The following AKT3 variants were observed in gnomAD, a reference collection of about 807,000 sequenced individuals.
AKT3 encodes AKT serine/threonine kinase 3, also known as RAC-gamma serine/threonine-protein kinase.
AKT3 carries 15 observed loss-of-function variants against 65.3 expected under a neutral mutation model. That is an observed-to-expected ratio of 0.23 (90% confidence interval 0.15 to 0.35). The LOEUF is 0.35. AKT3 is among the 10% of genes least tolerant of loss of function. The pLI is 1.00. For synonymous variants in AKT3, 206 were observed against 183.8 expected (o/e 1.12, Z -0.98); for missense variants, 243 against 576.5 (o/e 0.42, Z 5.92).
chr1:243,801,440 G>T (rs1214256882), intron 2 of AKT3, among the ~76,000 whole-genome samples: 2 of 152,162 alleles, frequency 1.3e-5, no homozygotes, highest in African/African-American at 4.8e-5. Flanking sequence ...GACTTGCCAT[G>T]CCATGGATAA....
intron 2 of AKT3, among the ~76,000 whole-genome samples, chr1:243,817,541 GA>G (rs1396918897): frequency 6.6e-6 from 1 of 152,142 alleles, no homozygotes; most frequent in Non-Finnish European, 1.5e-5. Flanking sequence ...AGGAGTTTGT[GA>G]CCAGCCTGGC....
chr1:243,529,148 C>CTT (rs1057499486), intron 12 of AKT3, among the ~76,000 whole-genome samples: 63 of 128,262 alleles, frequency 4.9e-4, no homozygotes, highest in African/African-American at 1.6e-3. Context: ...TGTAATGGAG[C>CTT]TTTTTTTTTT....
chr1:243,765,258 T>C (rs1270311693), intron 2 of AKT3, among the ~76,000 whole-genome samples: 1 of 152,090 alleles, frequency 6.6e-6, no homozygotes, highest in Non-Finnish European at 1.5e-5. Context: ...CTTTATAAGT[T>C]ACCAGCAGTA....
At chr1:243,512,681 G>A (rs1001318607) in intron 12 of AKT3, among the ~76,000 whole-genome samples, 2 of 152,086 alleles carry the variant, frequency 1.3e-5, no homozygotes, top group Non-Finnish European at 2.9e-5. Flanking sequence ...GGACGGGAGA[G>A]GGATATTGAA....
At chr1:243,762,925 A>G (rs1159479178) in intron 2 of AKT3, among the ~76,000 whole-genome samples, 2 of 152,076 alleles carry the variant, frequency 1.3e-5, no homozygotes, top group African/African-American at 4.8e-5. Flanking sequence ...AAAGCAAAAA[A>G]TTGATATTTC....
At chr1:243,657,870 G>A (rs77629275) in intron 4 of AKT3, among the ~76,000 whole-genome samples, 2,812 of 152,170 alleles carry the variant, frequency 0.018, 32 homozygotes, top group Middle Eastern at 0.034. Context: ...TGACAAGGGC[G>A]TCACAACTAA....
At chr1:243,713,340 G>C (rs945081686) in intron 2 of AKT3, among the ~76,000 whole-genome samples, 1 of 152,158 alleles carries the variant, frequency 6.6e-6, no homozygotes. Flanking sequence ...GGAGAGAAGA[G>C]GAAGTATTAA....
intron 2 of AKT3, among the ~76,000 whole-genome samples, chr1:243,818,480 A>T (rs1323685981): frequency 1.3e-5 from 2 of 152,210 alleles, no homozygotes; most frequent in Non-Finnish European, 2.9e-5. Flanking sequence ...ACTAGATACA[A>T]ACATGCTCAT....
At chr1:243,661,452 G>A (rs1404559535) in intron 4 of AKT3, among the ~76,000 whole-genome samples, 4 of 151,714 alleles carry the variant, frequency 2.6e-5, no homozygotes, top group Non-Finnish European at 5.9e-5. Flanking sequence ...CAAGCAATGG[G>A]GAAAGGATTC....
chr1:243,765,747 CTATT>C (rs1264714917), intron 2 of AKT3, among the ~76,000 whole-genome samples: 2 of 152,120 alleles, frequency 1.3e-5, no homozygotes, highest in Non-Finnish European at 2.9e-5. Context: ...AAAATAATCT[CTATT>C]TAGTAAGAAA....
intron 2 of AKT3, among the ~76,000 whole-genome samples, chr1:243,838,839 T>C (rs1162110791): frequency 1.3e-5 from 2 of 152,172 alleles, no homozygotes; most frequent in African/African-American, 4.8e-5. Context: ...GAAAAAGTTA[T>C]TTGAAAGCCA....
chr1:243,690,398 C>T (rs147240465), intron 3 of AKT3, among the ~76,000 whole-genome samples: 2 of 152,194 alleles, frequency 1.3e-5, no homozygotes, highest in South Asian at 4.1e-4. Flanking sequence ...ATGTATGTAT[C>T]CTATATTATT....
At chr1:243,562,487 A>T (rs1336536531) in intron 10 of AKT3, among the ~76,000 whole-genome samples, 1 of 152,232 alleles carries the variant, frequency 6.6e-6, no homozygotes, top group Non-Finnish European at 1.5e-5. Context: ...TACTCCAATT[A>T]TAAAAATATC....
In AKT3 at chr1:243,810,552, A is replaced by C. The variant is rs575063255; in HGVS notation, c.46+32573T>G. 8.1e-4 allele frequency among the ~76,000 whole-genome samples: 123 copies of C among 152,348 alleles called. No homozygotes were observed. The Middle Eastern group carries it at 0.014, about 17-fold the overall frequency. On this transcript the variant is annotated intron_variant, in intron 2 of 13. Transcript: ENST00000673466. Reference sequence around the variant, plus strand: ...ATAATTAATAGCTTACCAACCAAAAAAAGTCCAGGACCAGACGGATTCACA... The same window carrying C: ...ATAATTAATAGCTTACCAACCAAAACAAGTCCAGGACCAGACGGATTCACA...
chr1:243,656,884 T>A (rs1231129939), intron 4 of AKT3, among the ~76,000 whole-genome samples: 1 of 152,166 alleles, frequency 6.6e-6, no homozygotes, highest in Non-Finnish European at 1.5e-5. Flanking sequence ...ATAAAGTACA[T>A]ATACAAATCA....
In AKT3 at chr1:243,614,984, CAAAGA is replaced by C. The variant is rs1276713133; in HGVS notation, c.627+107_627+111del. 1.5e-5 allele frequency: 12 copies of C among 817,394 alleles called. No individual in the cohort carries two copies. In the African/African-American group the frequency reaches 1.6e-4, roughly 11 times the overall value. 50.6% of individuals were successfully genotyped at this position (817,394 alleles called of 1,614,324 possible). A position where few individuals can be genotyped will look rare whatever the true frequency, so the allele number is the denominator to read the frequency against. ...AGAAATTTGACTTACGTTCTTTCCA[CAAAGA>C]AAATGAGATATCTAAATGAATAGTA... On this transcript the variant is annotated intron_variant, in intron 7 of 13. Coordinates refer to ENST00000673466, the MANE Select transcript of AKT3 (RefSeq NM_005465.7).
intron 2 of AKT3, 70 bp downstream of exon 2, chr1:243,843,055 A>T: frequency 6.7e-7 from 1 of 1,502,000 alleles, no homozygotes; most frequent in Non-Finnish European, 9.2e-7. Flanking sequence ...AAAAAAGATC[A>T]ACTTCTAAGA....
At chr1:243,649,553 T>A (rs1375684502) in intron 4 of AKT3, among the ~76,000 whole-genome samples, 3 of 152,002 alleles carry the variant, frequency 2.0e-5, no homozygotes, top group Non-Finnish European at 2.9e-5. Context: ...GCTAATGCTA[T>A]CCCTCCCCTA....
At chr1:243,714,177 T>G (rs1274825244) in intron 2 of AKT3, among the ~76,000 whole-genome samples, 1 of 152,234 alleles carries the variant, frequency 6.6e-6, no homozygotes, top group African/African-American at 2.4e-5. Flanking sequence ...CACTGCTTTG[T>G]TTTACAGTTG....
Sources: gnomAD v4.1 joint callset for allele counts (sites outside exome capture counted in the v4.1 genomes callset) on GRCh38, gnomAD v4.1.1 for gene constraint, MANE v1.5 for transcripts, NCBI Gene and HGNC (gene_info 2026-07-23, HGNC 2026-07-21) for gene names.